The following RTL4 variants were observed in gnomAD, a reference collection of about 807,000 sequenced individuals.
RTL4 encodes retrotransposon Gag-like protein 4.
In RTL4, 4 loss-of-function variants were observed where a neutral mutation model predicts 5.3. That is an observed-to-expected ratio of 0.75 (90% CI 0.37 to 1.72). The LOEUF is 1.72. RTL4 is among the 40% of genes most tolerant of loss of function. The pLI, the probability that RTL4 is intolerant of heterozygous loss-of-function variation, is 0.04. For synonymous variants in RTL4, 98 were observed against 87.3 expected, an observed-to-expected ratio of 1.12 and a Z score of -0.68; for missense variants, 260 against 227.1, an observed-to-expected ratio of 1.14 and a Z score of -0.93.
chrX:112,375,239 A>G, the RTL4 span, among the ~76,000 whole-genome samples: 1 of 111,171 alleles, frequency 9.0e-6, no homozygotes, highest in Admixed American at 9.6e-5. Context: ...GAGGGATGGA[A>G]AGACATGCAG....
chrX:112,235,483 T>G, the RTL4 span, among the ~76,000 whole-genome samples: 2 of 111,732 alleles, frequency 1.8e-5, no homozygotes, highest in Admixed American at 9.5e-5. Flanking sequence ...TGACAGGACT[T>G]TTTTCTGCCT....
the RTL4 span, among the ~76,000 whole-genome samples, chrX:112,144,903 CA>C: frequency 1.8e-5 from 2 of 111,592 alleles, no homozygotes; most frequent in Non-Finnish European, 3.8e-5. Flanking sequence ...TTTCTAATCC[CA>C]AATATGACCT....
chrX:112,131,950 A>G, the RTL4 span, among the ~76,000 whole-genome samples: 1 of 111,794 alleles, frequency 8.9e-6, no homozygotes, highest in African/African-American at 3.2e-5. Flanking sequence ...AGTAGTACCT[A>G]TGAAGTAGTA....
At chrX:112,395,072 A>G in the RTL4 span, among the ~76,000 whole-genome samples, 1 of 111,976 alleles carries the variant, frequency 8.9e-6, no homozygotes, top group Non-Finnish European at 1.9e-5. Context: ...TACCATTAGA[A>G]CCAACCAATT....
At chrX:112,409,549 G>A in the RTL4 span, among the ~76,000 whole-genome samples, 3 of 104,427 alleles carry the variant, frequency 2.9e-5, no homozygotes, top group Non-Finnish European at 6.0e-5. Context: ...GTGAAACCCC[G>A]TCTCTACTAA....
At chrX:112,262,428 C>A in the RTL4 span, among the ~76,000 whole-genome samples, 1 of 112,056 alleles carries the variant, frequency 8.9e-6, no homozygotes, top group Non-Finnish European at 1.9e-5. Context: ...ATGCAGCCAA[C>A]AGACACATGA....
the RTL4 span, among the ~76,000 whole-genome samples, chrX:112,084,532 T>C: frequency 2.5e-3 from 278 of 111,054 alleles, no homozygotes; most frequent in South Asian, 0.015. Context: ...CTTGATTCTT[T>C]GCCTTTCATT....
chrX:112,131,254 G>A, the RTL4 span, among the ~76,000 whole-genome samples: 1 of 106,780 alleles, frequency 9.4e-6, no homozygotes, highest in Admixed American at 1.0e-4. Context: ...CTTTAAAGGA[G>A]ACTTTTAAGT....
chrX:112,109,293 G>A, the RTL4 span, among the ~76,000 whole-genome samples: 6 of 111,825 alleles, frequency 5.4e-5, no homozygotes, highest in South Asian at 7.7e-4. Context: ...GAATGAAGCC[G>A]CAGACCTTTG....
the RTL4 span, among the ~76,000 whole-genome samples, chrX:112,163,709 C>T: frequency 2.7e-5 from 3 of 112,011 alleles, no homozygotes; most frequent in East Asian, 2.8e-4. Context: ...GCTTTACTTT[C>T]CTCAACTATA....
chrX:112,327,054 G>A, the RTL4 span, among the ~76,000 whole-genome samples: 5 of 111,974 alleles, frequency 4.5e-5, no homozygotes, highest in Non-Finnish European at 9.4e-5. Flanking sequence ...CAAAGATGGG[G>A]AAAAAACAGA....
the RTL4 span, among the ~76,000 whole-genome samples, chrX:112,269,669 G>T: frequency 6.3e-5 from 7 of 111,890 alleles, no homozygotes; most frequent in African/African-American, 2.3e-4. Context: ...TAAAGACTGG[G>T]CCTAACCACA....
At chrX:112,142,839 C>CT in the RTL4 span, among the ~76,000 whole-genome samples, 1 of 110,730 alleles carries the variant, frequency 9.0e-6, no homozygotes, top group African/African-American at 3.3e-5. Flanking sequence ...AATTTTTTTT[C>CT]TTTTTTTGAG....
At chrX:112,190,799 G>A in the RTL4 span, among the ~76,000 whole-genome samples, 13 of 111,975 alleles carry the variant, frequency 1.2e-4, no homozygotes, top group East Asian at 3.7e-3. Flanking sequence ...GCTGTCTGAT[G>A]GAAGGAACTC....
chrX:112,093,126 A>G, the RTL4 span, among the ~76,000 whole-genome samples: 1 of 111,227 alleles, frequency 9.0e-6, no homozygotes, highest in East Asian at 2.8e-4. Flanking sequence ...AATTTATTCT[A>G]TTCATTTCCA....
chrX:112,167,224 T>G, the RTL4 span, among the ~76,000 whole-genome samples: 2 of 112,240 alleles, frequency 1.8e-5, no homozygotes, highest in South Asian at 7.5e-4. Context: ...AAAATAGATC[T>G]TTCAGTGACA....
chrX:112,161,735 T>C, the RTL4 span, among the ~76,000 whole-genome samples: 1 of 110,752 alleles, frequency 9.0e-6, no homozygotes, highest in Non-Finnish European at 1.9e-5. Flanking sequence ...GAATATATTC[T>C]TTATCTTTTA....
the RTL4 span, among the ~76,000 whole-genome samples, chrX:112,120,902 C>T: frequency 9.0e-6 from 1 of 111,559 alleles, no homozygotes; most frequent in African/African-American, 3.3e-5. Flanking sequence ...TTAGTAAGTG[C>T]CTCTTTATTA....
the RTL4 span, among the ~76,000 whole-genome samples, chrX:112,276,036 T>A: frequency 8.9e-6 from 1 of 111,992 alleles, no homozygotes; most frequent in African/African-American, 3.2e-5. Context: ...GCCATTCTTT[T>A]TTTCTTCCTG....
Sources: allele counts gnomAD v4.1 joint callset (sites outside exome capture counted in the v4.1 genomes callset), GRCh38; gene constraint gnomAD v4.1.1; transcripts MANE v1.5; gene names NCBI Gene and HGNC (gene_info 2026-07-23, HGNC 2026-07-21).